Variants in SLC25A21 observed in about 807,000 individuals in gnomAD.
SLC25A21 encodes the protein solute carrier family 25 member 21.
Under a neutral mutation model 43.8 loss-of-function variants are expected in SLC25A21, and 47 were observed. The ratio of observed to expected loss-of-function variants is 1.07; its 90% CI spans 0.85 to 1.37. The LOEUF is 1.37. Among genes scored for constraint, SLC25A21 ranks in the 40% most tolerant of loss-of-function variants. The probability of loss-of-function intolerance (pLI) is 0.00; values close to 1 mark genes in which losing one functional copy is unlikely to be tolerated. For synonymous variants in SLC25A21, 131 were observed against 121.3 expected, an observed-to-expected ratio of 1.08 and a Z score of -0.52; for missense variants, 352 against 350.2, an observed-to-expected ratio of 1.00 and a Z score of -0.04.
chr14:36,974,446 A>T lies in SLC25A21; in HGVS notation c.71-99442T>A, dbSNP rs185180120. On this transcript the variant is annotated intron_variant, in intron 1 of 9. Transcript: ENST00000331299. ...TTGCCATAAGAAACAGTAGGTACAC[A>T]TATTATATCTTTTTTCCCTAATCAC... Among the ~76,000 whole-genome samples, 222 of 152,342 alleles carry T rather than the reference A, an allele frequency of 1.5e-3. 2 individuals are homozygous for T. Among genetic ancestry groups the T allele is most frequent in the African/African-American group, 4.3e-3 (179 of 41,584 alleles).
At chr14:36,909,984 G>A (rs756318038) in intron 1 of SLC25A21, among the ~76,000 whole-genome samples, 3 of 152,128 alleles carry the variant, frequency 2.0e-5, no homozygotes, top group Non-Finnish European at 2.9e-5. Flanking sequence ...GCATTAAAGA[G>A]GGTGCCAGTG....
At chr14:36,982,767 C>T (rs1322706109) in intron 1 of SLC25A21, among the ~76,000 whole-genome samples, 2 of 152,056 alleles carry the variant, frequency 1.3e-5, no homozygotes, top group East Asian at 3.9e-4. Flanking sequence ...TAAGCCAAAA[C>T]GGCGACACTG....
At chr14:37,002,401 G>GT in intron 1 of SLC25A21, among the ~76,000 whole-genome samples, 1 of 152,282 alleles carries the variant, frequency 6.6e-6, no homozygotes, top group Middle Eastern at 3.4e-3. Context: ...CTGTGGAATT[G>GT]TTGAGGACTC....
intron 1 of SLC25A21, among the ~76,000 whole-genome samples, chr14:37,018,184 T>G (rs2138749493): frequency 6.6e-6 from 1 of 152,190 alleles, no homozygotes; most frequent in African/African-American, 2.4e-5. Flanking sequence ...ATCTTTTCTT[T>G]ACATGTACAT....
intron 1 of SLC25A21, among the ~76,000 whole-genome samples, chr14:37,039,812 T>G (rs1261949040): frequency 6.6e-6 from 1 of 152,156 alleles, no homozygotes; most frequent in Non-Finnish European, 1.5e-5. Context: ...ATGAGGGAGA[T>G]AATCACGGAG....
rs917648098 is a variant in SLC25A21, at chr14:36,802,484, A to G, written c.203+11434T>C. Among the ~76,000 whole-genome samples, 7 of 152,314 alleles carry G rather than the reference A, an allele frequency of 4.6e-5. No individual in the cohort carries two copies. The East Asian group carries it at 1.3e-3, about 29-fold the overall frequency. ...TATTAATACTGAGTGCTAGCAACAC[A>G]ATAAAATAAGTATGGTTATTGTCTC... On this transcript the variant is annotated intron_variant, in intron 3 of 9. Transcript: ENST00000331299.
chr14:37,110,562 C>T lies in SLC25A21; in HGVS notation c.70+61719G>A, dbSNP rs117760747. ...GGCACTGCCTGCTTGGATTGAAGAG[C>T]ACAGGAGAGAGAGCAATTAGGTCAT... On this transcript the variant is annotated intron_variant, in intron 1 of 9. Coordinates refer to ENST00000331299, the MANE Select transcript of SLC25A21 (RefSeq NM_030631.4). Among the ~76,000 whole-genome samples, 1,436 of 152,230 alleles carry T rather than the reference C, an allele frequency of 9.4e-3. 15 individuals carry two copies. The highest frequency in any genetic ancestry group is 0.017 in the Admixed American group (258 of 15,262).
intron 1 of SLC25A21, among the ~76,000 whole-genome samples, chr14:37,091,123 G>GC (rs1195560288): frequency 6.6e-6 from 1 of 152,068 alleles, no homozygotes; most frequent in Non-Finnish European, 1.5e-5. Context: ...CTCATAAGGC[G>GC]CATCTTGCCT....
intron 3 of SLC25A21, among the ~76,000 whole-genome samples, chr14:36,751,760 GA>G (rs1885716909): frequency 6.6e-6 from 1 of 152,160 alleles, no homozygotes; most frequent in South Asian, 2.1e-4. Context: ...ATCAAGTCCA[GA>G]AGCTAGGGGG....
chr14:37,052,315 A>G (rs1208294253), intron 1 of SLC25A21, among the ~76,000 whole-genome samples: 1 of 152,184 alleles, frequency 6.6e-6, no homozygotes, highest in African/African-American at 2.4e-5. Flanking sequence ...TTAGGCCTGT[A>G]GGTCCAAACC....
At chr14:37,008,101 T>A (rs1276666298) in intron 1 of SLC25A21, among the ~76,000 whole-genome samples, 2 of 152,160 alleles carry the variant, frequency 1.3e-5, no homozygotes, top group Non-Finnish European at 2.9e-5. Context: ...CTCAAACTCC[T>A]GACCTTAAGC....
chr14:36,819,802 G>A (rs550290117), intron 2 of SLC25A21, among the ~76,000 whole-genome samples: 2 of 152,014 alleles, frequency 1.3e-5, no homozygotes, highest in South Asian at 4.2e-4. Flanking sequence ...TACATTTGGT[G>A]CAAAAGTAAT....
At chr14:37,050,675 T>A (rs1961684182) in intron 1 of SLC25A21, among the ~76,000 whole-genome samples, 1 of 152,204 alleles carries the variant, frequency 6.6e-6, no homozygotes, top group African/African-American at 2.4e-5. Context: ...TGGCCCATTC[T>A]CCATATCTTC....
chr14:36,989,939 C>A (rs1960228529), intron 1 of SLC25A21, among the ~76,000 whole-genome samples: 1 of 152,096 alleles, frequency 6.6e-6, no homozygotes, highest in Non-Finnish European at 1.5e-5. Flanking sequence ...AGAAAAAAAT[C>A]ATCATTGATA....
intron 1 of SLC25A21, among the ~76,000 whole-genome samples, chr14:37,049,202 T>G (rs1300136772): frequency 6.6e-6 from 1 of 152,184 alleles, no homozygotes; most frequent in Non-Finnish European, 1.5e-5. Context: ...TTTCAATACA[T>G]AGTAAATGAA....
intron 1 of SLC25A21, among the ~76,000 whole-genome samples, chr14:37,138,874 T>C (rs755778381): frequency 2.4e-4 from 37 of 152,144 alleles, no homozygotes; most frequent in Non-Finnish European, 4.9e-4. Context: ...TGCAGTTTTT[T>C]ACTAATGTTC....
chr14:36,839,740 AAT>A (rs1213141582), intron 2 of SLC25A21, among the ~76,000 whole-genome samples: 5 of 152,242 alleles, frequency 3.3e-5, no homozygotes, highest in Non-Finnish European at 5.9e-5. Flanking sequence ...TTTAGAATGT[AAT>A]TACACAAACC....
intron 1 of SLC25A21, among the ~76,000 whole-genome samples, chr14:36,955,820 G>A (rs2138667667): frequency 6.6e-6 from 1 of 152,242 alleles, no homozygotes; most frequent in East Asian, 1.9e-4. Context: ...TTGCCTGTGA[G>A]GAGGTGGGAC....
intron 1 of SLC25A21, among the ~76,000 whole-genome samples, chr14:36,877,456 G>T (rs983481235): frequency 6.6e-6 from 1 of 152,160 alleles, no homozygotes; most frequent in Non-Finnish European, 1.5e-5. Flanking sequence ...CCCTATGATG[G>T]TCCCCTAGTA....
Sources: allele counts gnomAD v4.1 joint callset (sites outside exome capture counted in the v4.1 genomes callset), GRCh38; gene constraint gnomAD v4.1.1; transcripts MANE v1.5; gene names NCBI Gene and HGNC (gene_info 2026-07-23, HGNC 2026-07-21).